ELFN2: variants seen among roughly 807,000 people sequenced by gnomAD.
ELFN2 encodes the protein protein phosphatase 1 regulatory subunit 29.
In ELFN2, 17 loss-of-function variants were observed where a neutral mutation model predicts 45.5. That is an observed-to-expected ratio of 0.37 (90% confidence interval 0.26 to 0.56). ELFN2 has a LOEUF of 0.56. Ranked by LOEUF, ELFN2 falls within the 20% of genes least tolerant of loss-of-function variation. The pLI is 0.77. For missense variants in ELFN2, 922 were observed against 1,183.2 expected, an observed-to-expected ratio of 0.78 and a Z score of 3.24; for synonymous variants, 550 against 551.5, an observed-to-expected ratio of 1.00 and a Z score of 0.04.
chr22:37,351,036 A>C (rs1373688127), intron 1 of ELFN2, among the ~76,000 whole-genome samples: 1 of 149,980 alleles, frequency 6.7e-6, no homozygotes, highest in East Asian at 1.9e-4. Flanking sequence ...CTCCTCTTTT[A>C]AATGAGGGGT....
intron 2 of ELFN2, among the ~76,000 whole-genome samples, chr22:37,383,014 T>C (rs1386046205): frequency 6.6e-6 from 1 of 152,168 alleles, no homozygotes; most frequent in Non-Finnish European, 1.5e-5. Flanking sequence ...CCTGGTCTGT[T>C]ATCACTCTGC....
intron 1 of ELFN2, among the ~76,000 whole-genome samples, chr22:37,345,716 T>G (rs1930680832): frequency 6.6e-6 from 1 of 151,934 alleles, no homozygotes; most frequent in Non-Finnish European, 1.5e-5. Flanking sequence ...CCCAGCTAAT[T>G]TTTGTATTTT....
intron 2 of ELFN2, among the ~76,000 whole-genome samples, chr22:37,411,954 G>C (rs910651082): frequency 3.3e-5 from 5 of 151,858 alleles, no homozygotes; most frequent in Non-Finnish European, 7.4e-5. Context: ...ACCACTCCCA[G>C]CCCTCAGGGA....
At chr22:37,416,816 C>T (rs1158290104) in intron 2 of ELFN2, among the ~76,000 whole-genome samples, 1 of 152,190 alleles carries the variant, frequency 6.6e-6, no homozygotes, top group Non-Finnish European at 1.5e-5. Flanking sequence ...GCACCCACCA[C>T]CCTGCACAAG....
chr22:37,349,431 T>C (rs1930773426), intron 1 of ELFN2, among the ~76,000 whole-genome samples: 1 of 151,288 alleles, frequency 6.6e-6, no homozygotes, highest in South Asian at 2.1e-4. Context: ...TTCTCAAGGA[T>C]GTTTGGAGGT....
intron 2 of ELFN2, among the ~76,000 whole-genome samples, chr22:37,412,966 G>C (rs922124594): frequency 7.2e-5 from 11 of 152,270 alleles, no homozygotes; most frequent in African/African-American, 2.6e-4. Context: ...CACAGTGTGG[G>C]CGGGGACCTC....
Position 37,374,811 on chromosome 22 carries a change from G to A in ELFN2, c.724C>T (p.Gln242Ter). Residue 242 changes from glutamine (Q) to a stop codon, truncating the protein, a stop_gained, in exon 3 of 3, where the codon CAG becomes TAG. Transcript: ENST00000402918. LOFTEE classifies it high-confidence loss of function. The part of the protein sequence containing the change: ...YHSLNAITVL[Q>*]AKCRNGSLPA... Reference sequence around the variant, plus strand: ...AGCGAGCCATTCCGACACTTGGCCTGGAGTACGGTGATGGCGTTGAGGCTG... The same window carrying A: ...AGCGAGCCATTCCGACACTTGGCCTAGAGTACGGTGATGGCGTTGAGGCTG... 6.2e-7 allele frequency: 1 copy of A among 1,607,526 alleles called. No homozygotes were observed.
intron 2 of ELFN2, among the ~76,000 whole-genome samples, chr22:37,391,560 G>C (rs1932088145): frequency 6.6e-6 from 1 of 152,136 alleles, no homozygotes. Context: ...GAAATGATAA[G>C]AGACATGCCC....
intron 2 of ELFN2, among the ~76,000 whole-genome samples, chr22:37,416,807 C>T (rs1469392532): frequency 6.6e-6 from 1 of 152,114 alleles, no homozygotes; most frequent in African/African-American, 2.4e-5. Flanking sequence ...CTCCGGGGCG[C>T]ACCCACCACC....
At chr22:37,343,862 C>T (rs1460941018) in intron 1 of ELFN2, among the ~76,000 whole-genome samples, 2 of 152,048 alleles carry the variant, frequency 1.3e-5, no homozygotes, top group African/African-American at 2.4e-5. Context: ...CTCATCTTCC[C>T]CAGTTTCCTC....
rs551618514 is a variant in ELFN2 at position 37,426,615 on chromosome 22, A to G, written c.-614+683T>C. ...TGCTGGAGCCCACACACGCACGCACACACACACACTGGCACGCGCTCGCAC... is the reference window on the plus strand; with the variant it reads ...TGCTGGAGCCCACACACGCACGCACGCACACACACTGGCACGCGCTCGCAC... On this transcript the variant is annotated intron_variant, in intron 1 of 2. Transcript: ENST00000402918. 1.5e-3 allele frequency among the ~76,000 whole-genome samples: 195 copies of G among 132,184 alleles called. 1 individual carries two copies. The highest frequency in any genetic ancestry group is 5.0e-3 in the African/African-American group (176 of 35,064). The allele number at this position is 132,184 out of a possible 152,430, so 86.7% of individuals were successfully genotyped here.
In ELFN2 at chr22:37,371,737, C is replaced by T. The variant is rs920135894; in HGVS notation, c.*1335G>A. The stretch of plus-strand genomic sequence containing the variant: ...CTGGCTGGGAGGGGCTGGGGCGCCA[C>T]GAACCCAGCCTGCTCCTCAACCCTC... On this transcript the variant is annotated 3_prime_UTR_variant, in exon 3 of 3. Transcript: ENST00000402918. This position sits in a 1 kb window ranked among gnomAD's most constrained non-coding sequence, Gnocchi z 6.4. 6.6e-6 allele frequency: 1 copy of T among 152,558 alleles called. No individual in the cohort carries two copies. Among genetic ancestry groups the T allele is most frequent in the Non-Finnish European group, 1.5e-5 (1 of 68,090 alleles). The allele number at this position is 152,558 out of a possible 1,614,324, so 9.5% of individuals were successfully genotyped here.
chr22:37,425,895 A>ACACACACACC (rs1932844493), intron 1 of ELFN2, among the ~76,000 whole-genome samples: 1 of 150,368 alleles, frequency 6.7e-6, no homozygotes, highest in Non-Finnish European at 1.5e-5. Context: ...ACACACACAC[A>ACACACACACC]CACTCCCAGT....
intron 2 of ELFN2, among the ~76,000 whole-genome samples, chr22:37,411,259 C>G (rs929639113): frequency 6.6e-6 from 1 of 152,174 alleles, no homozygotes; most frequent in Non-Finnish European, 1.5e-5. Context: ...CTCTGACCTG[C>G]GACCACCAAG....
At chr22:37,415,227 G>A (rs1932745050) in intron 2 of ELFN2, among the ~76,000 whole-genome samples, 2 of 152,214 alleles carry the variant, frequency 1.3e-5, no homozygotes, top group Non-Finnish European at 2.9e-5. Flanking sequence ...TGCCAAAATG[G>A]TAGACAGGAC....
intron 1 of ELFN2, among the ~76,000 whole-genome samples, chr22:37,426,013 A>C (rs133722): frequency 0.64 from 97,004 of 151,688 alleles, 31,591 homozygotes; most frequent in African/African-American, 0.75. Flanking sequence ...CCAGCACCCC[A>C]CTCCCTCCAG....
intron 1 of ELFN2, among the ~76,000 whole-genome samples, chr22:37,344,663 C>T (rs1420798314): frequency 6.6e-6 from 1 of 152,176 alleles, no homozygotes; most frequent in African/African-American, 2.4e-5. Context: ...ACCCCCCTTC[C>T]ACAAGAGACT....
At chr22:37,412,894 G>A (rs1932683533) in intron 2 of ELFN2, among the ~76,000 whole-genome samples, 1 of 152,160 alleles carries the variant, frequency 6.6e-6, no homozygotes, top group Non-Finnish European at 1.5e-5. Flanking sequence ...TGACCCAGGA[G>A]TGGGCCTGGG....
At chr22:37,379,810 A>ATTT (rs1931696869) in intron 2 of ELFN2, among the ~76,000 whole-genome samples, 1 of 152,082 alleles carries the variant, frequency 6.6e-6, no homozygotes, top group African/African-American at 2.4e-5. Flanking sequence ...CCGGTTAGTC[A>ATTT]GCTGCCCAGT....
Sources: gnomAD v4.1 joint callset for allele counts (sites outside exome capture counted in the v4.1 genomes callset) on GRCh38, gnomAD v4.1.1 for gene constraint, Gnocchi (gnomAD v3.1) non-coding constraint, MANE v1.5 for transcripts, NCBI Gene and HGNC (gene_info 2026-07-23, HGNC 2026-07-21) for gene names.